The following TPD52 variants were observed in gnomAD, a reference collection of about 807,000 sequenced individuals.
TPD52 encodes the protein prostate and colon associated protein.
TPD52 carries 17 observed loss-of-function variants against 31.3 expected under a neutral mutation model. That is an observed-to-expected ratio of 0.54 (90% CI 0.37 to 0.82). The LOEUF (loss-of-function observed/expected upper bound fraction) is 0.82, where lower values mean the gene tolerates loss of function less well. Ranked by LOEUF, TPD52 falls within the 40% of genes least tolerant of loss-of-function variation. TPD52 has a pLI of 0.00. For synonymous variants in TPD52, 83 were observed against 89.6 expected (o/e 0.93, Z 0.42); for missense variants, 212 against 240.1 (o/e 0.88, Z 0.77).
chr8:80,086,805 C>G (rs559985180), intron 1 of TPD52, among the ~76,000 whole-genome samples: 1 of 127,874 alleles, frequency 7.8e-6, no homozygotes, highest in Non-Finnish European at 1.6e-5. Flanking sequence ...ACCCGGGAAG[C>G]GGAGATTGCA....
chr8:80,101,734 G>C (rs951786984), intron 1 of TPD52, among the ~76,000 whole-genome samples: 1 of 152,068 alleles, frequency 6.6e-6, no homozygotes, highest in Non-Finnish European at 1.5e-5. Flanking sequence ...GCTCTCGTGT[G>C]AACCAACCGG....
chr8:80,092,385 A>G lies in TPD52; in HGVS notation c.20-27792T>C, dbSNP rs145115677. 2.7e-3 allele frequency among the ~76,000 whole-genome samples: 406 copies of G among 152,322 alleles called. 4 individuals carry two copies. Among genetic ancestry groups the G allele is most frequent in the African/African-American group, 9.2e-3 (384 of 41,570 alleles). ...TGGAGATTTCTCAAAACAATTAAAA[A>G]CAGAATTAACATATTAATAGATCCA... On this transcript the variant is annotated intron_variant, in intron 1 of 7. Transcript: ENST00000518937.
At chr8:80,119,593 T>C (rs1009899161) in intron 1 of TPD52, among the ~76,000 whole-genome samples, 8 of 152,198 alleles carry the variant, frequency 5.3e-5, no homozygotes, top group Non-Finnish European at 1.0e-4. Context: ...CTATAGTGAA[T>C]GAGTTCAAGA....
intron 1 of TPD52, among the ~76,000 whole-genome samples, chr8:80,067,598 A>T (rs1238277956): frequency 2.0e-5 from 3 of 152,178 alleles, no homozygotes; most frequent in Non-Finnish European, 4.4e-5. Context: ...GCTTACAGAC[A>T]TTAAGCAACT....
chr8:80,146,181 T>A (rs1810181292), intron 1 of TPD52, among the ~76,000 whole-genome samples: 1 of 152,152 alleles, frequency 6.6e-6, no homozygotes, highest in Non-Finnish European at 1.5e-5. Context: ...GAATCTAACA[T>A]GAGGTAAGAA....
intron 1 of TPD52, among the ~76,000 whole-genome samples, chr8:80,116,410 G>A (rs190325966): frequency 1.2e-3 from 178 of 150,470 alleles, no homozygotes; most frequent in Non-Finnish European, 2.1e-3. Context: ...TAGCTTAGAT[G>A]AAATGACAAA....
At chr8:80,052,567 C>T in intron 3 of TPD52, 1 of 1,264,930 alleles carries the variant, frequency 7.9e-7, no homozygotes, top group Non-Finnish European at 1.0e-6. Context: ...GTTGGCCTCA[C>T]TTCTGATAGT....
chr8:80,110,585 AATAAATG>A (rs1047972859), intron 1 of TPD52, among the ~76,000 whole-genome samples: 1 of 125,734 alleles, frequency 8.0e-6, no homozygotes, highest in Non-Finnish European at 1.7e-5. Context: ...TAAATAAATA[AATAAATG>A]AAAAAAAAAA....
At chr8:80,070,205 A>AC (rs1813620926) in intron 1 of TPD52, among the ~76,000 whole-genome samples, 1 of 151,802 alleles carries the variant, frequency 6.6e-6, no homozygotes. Flanking sequence ...TGCAGCCCCA[A>AC]CCCCCCTTTG....
chr8:80,151,157 T>C (rs913394291), intron 1 of TPD52, among the ~76,000 whole-genome samples: 3 of 152,234 alleles, frequency 2.0e-5, no homozygotes, highest in African/African-American at 7.2e-5. Flanking sequence ...GAAGTTCTCC[T>C]GCATATGCTC....
chr8:80,071,506 C>T (rs533746671), intron 1 of TPD52, among the ~76,000 whole-genome samples: 27 of 152,208 alleles, frequency 1.8e-4, no homozygotes, highest in African/African-American at 6.3e-4. Context: ...CTGCCCCTTC[C>T]ACCTCCCTTC....
chr8:80,105,561 T>C (rs1417324124), intron 1 of TPD52, among the ~76,000 whole-genome samples: 1 of 152,144 alleles, frequency 6.6e-6, no homozygotes, highest in Admixed American at 6.5e-5. Flanking sequence ...GCTCGGTTTT[T>C]GAGCCATGAG....
intron 1 of TPD52, among the ~76,000 whole-genome samples, chr8:80,114,475 A>G (rs2130995642): frequency 6.6e-6 from 1 of 152,320 alleles, no homozygotes; most frequent in African/African-American, 2.4e-5. Flanking sequence ...AATGCCTAGA[A>G]CAGTGCCTGA....
intron 3 of TPD52, chr8:80,052,964 C>T (rs1238307601): frequency 4.1e-6 from 1 of 241,530 alleles, no homozygotes; most frequent in Non-Finnish European, 8.1e-6. Context: ...TCTTGCCACC[C>T]ATTCTTACTG....
intron 1 of TPD52, among the ~76,000 whole-genome samples, chr8:80,139,493 G>C (rs965189042): frequency 1.3e-5 from 2 of 152,004 alleles, no homozygotes; most frequent in Non-Finnish European, 2.9e-5. Context: ...GTTATCCAAA[G>C]ACTGTACAGT....
At chr8:80,140,361 A>G (rs1446556064) in intron 1 of TPD52, among the ~76,000 whole-genome samples, 1 of 152,222 alleles carries the variant, frequency 6.6e-6, no homozygotes, top group Non-Finnish European at 1.5e-5. Context: ...TTTCCAACTC[A>G]TCAAGTCTTA....
At chr8:80,079,203 T>C (rs7011050) in intron 1 of TPD52, among the ~76,000 whole-genome samples, 98,568 of 152,070 alleles carry the variant, frequency 0.65, 32,112 homozygotes, top group East Asian at 0.73. Flanking sequence ...TACAGAGGTC[T>C]GAGGGGGGCC....
intron 1 of TPD52, among the ~76,000 whole-genome samples, chr8:80,151,732 T>C (rs915016718): frequency 6.6e-6 from 1 of 152,182 alleles, no homozygotes; most frequent in East Asian, 1.9e-4. Context: ...TGTTCCCTTA[T>C]AAAAGGCACT....
chr8:80,057,985 C>A (rs1015113030), intron 2 of TPD52, among the ~76,000 whole-genome samples: 9 of 152,092 alleles, frequency 5.9e-5, no homozygotes, highest in Non-Finnish European at 1.3e-4. Context: ...CCCCGTAAGA[C>A]TGTTGTAATA....
Sources: gnomAD v4.1 joint callset for allele counts (sites outside exome capture counted in the v4.1 genomes callset) on GRCh38, gnomAD v4.1.1 for gene constraint, MANE v1.5 for transcripts, NCBI Gene and HGNC (gene_info 2026-07-23, HGNC 2026-07-21) for gene names.